Variants in SHB observed in about 807,000 individuals in gnomAD.
SHB encodes the protein SH2 domain containing adaptor protein B.
SHB carries 20 observed loss-of-function variants against 52.3 expected under a neutral mutation model. That is an observed-to-expected ratio of 0.38 (90% CI 0.27 to 0.56). SHB has a LOEUF of 0.56. SHB is among the 20% of genes least tolerant of loss of function. The pLI is 0.71. For synonymous variants in SHB, 397 were observed against 316.5 expected (o/e 1.25, Z -2.70); for missense variants, 825 against 723.3 (o/e 1.14, Z -1.61).
intron 3 of SHB, among the ~76,000 whole-genome samples, chr9:37,971,850 C>A (rs1820593582): frequency 6.6e-6 from 1 of 152,204 alleles, no homozygotes. Flanking sequence ...CTAAAACCAC[C>A]TTTGGGCAGA....
intron 5 of SHB, among the ~76,000 whole-genome samples, chr9:37,926,028 A>G (rs763113211): frequency 3.3e-5 from 5 of 152,078 alleles, no homozygotes; most frequent in African/African-American, 7.2e-5. Flanking sequence ...CTTGCTTCCA[A>G]CAGGGTGGAG....
rs535149309 is a variant in SHB at position 38,037,571 on chromosome 9, C to T, written c.718-21440G>A. On this transcript the variant is annotated intron_variant, in intron 1 of 5. Coordinates refer to ENST00000377707, the MANE Select transcript of SHB (RefSeq NM_003028.3). ...GAGAAGTTTGCTCAACCTCTCTGGG[C>T]CTCAGTTTCTTCACTATAAAGTGGG... is the stretch of plus-strand genomic sequence containing the variant. Among the ~76,000 whole-genome samples, 5 of 152,310 alleles carry T rather than the reference C, an allele frequency of 3.3e-5. No individual in the cohort carries two copies. In the East Asian group the frequency reaches 9.6e-4, roughly 29 times the overall value.
chr9:38,014,885 T>C (rs1821191752), intron 2 of SHB, among the ~76,000 whole-genome samples: 2 of 152,206 alleles, frequency 1.3e-5, no homozygotes, highest in Admixed American at 1.3e-4. Flanking sequence ...ACACGCTCAG[T>C]GCTCAGTAAA....
At chr9:37,984,418 C>T (rs920356174) in intron 2 of SHB, among the ~76,000 whole-genome samples, 12 of 152,194 alleles carry the variant, frequency 7.9e-5, no homozygotes, top group Non-Finnish European at 1.3e-4. Flanking sequence ...TTGTACGTAA[C>T]GTGAAACACA....
chr9:38,022,976 A>AC (rs1821299875), intron 1 of SHB, among the ~76,000 whole-genome samples: 1 of 152,148 alleles, frequency 6.6e-6, no homozygotes, highest in South Asian at 2.1e-4. Flanking sequence ...TTTCTAGTGC[A>AC]CATACAGTGC....
rs755295306 is a variant in SHB, at chr9:37,948,738, T to C, written c.1243A>G (p.Ile415Val). Residue 415 changes from isoleucine (I) to valine (V), a missense_variant, in exon 5 of 6, where the codon ATC (isoleucine) becomes GTC (valine). Physicochemically the swap from Ile to Val is conservative, Grantham distance 29. Transcript: ENST00000377707. ...LEKQIWYHGA[I>V]SRGDAENLLR... ...AGGTTCTCGGCGTCTCCTCTGCTGA[T>C]GGCTCCGTGATACCATCTGTGGAGA... 30 of 1,613,678 alleles carry C rather than the reference T, an allele frequency of 1.9e-5. No homozygotes were observed. In the Admixed American group the frequency reaches 3.7e-4, roughly 20 times the overall value.
intron 1 of SHB, among the ~76,000 whole-genome samples, chr9:38,058,933 C>T (rs780993281): frequency 1.9e-4 from 29 of 152,224 alleles, no homozygotes; most frequent in Non-Finnish European, 3.5e-4. Flanking sequence ...TTGCCATCGC[C>T]TCTTTATTCC....
chr9:38,008,439 C>T (rs1821097345), intron 2 of SHB, among the ~76,000 whole-genome samples: 1 of 152,224 alleles, frequency 6.6e-6, no homozygotes, highest in Non-Finnish European at 1.5e-5. Flanking sequence ...TGATCTCCTT[C>T]CTGTCCGGTA....
chr9:38,066,329 T>C (rs1821960044), intron 1 of SHB, among the ~76,000 whole-genome samples: 1 of 152,166 alleles, frequency 6.6e-6, no homozygotes, highest in Non-Finnish European at 1.5e-5. Flanking sequence ...TAAAGTCCAG[T>C]GCAGTTAGCC....
chr9:38,028,812 G>A (rs1821377489), intron 1 of SHB, among the ~76,000 whole-genome samples: 1 of 152,212 alleles, frequency 6.6e-6, no homozygotes, highest in Non-Finnish European at 1.5e-5. Context: ...AAAGAAATGT[G>A]TTTATATCCA....
chr9:37,986,204 A>C (rs1267185282), intron 2 of SHB, among the ~76,000 whole-genome samples: 1 of 152,202 alleles, frequency 6.6e-6, no homozygotes, highest in African/African-American at 2.4e-5. Flanking sequence ...ACAAACAGCG[A>C]GGAGTGGGCC....
intron 1 of SHB, among the ~76,000 whole-genome samples, chr9:38,067,683 G>A (rs1034994154): frequency 1.3e-5 from 2 of 152,210 alleles, no homozygotes; most frequent in African/African-American, 4.8e-5. Context: ...GGGCAAGGCT[G>A]GGCCGGGCGC....
intron 2 of SHB, chr9:38,015,459 T>C: frequency 1.4e-6 from 1 of 703,108 alleles, no homozygotes; most frequent in Non-Finnish European, 2.6e-6. Flanking sequence ...ACTGGGGGAA[T>C]GTCTCCATGC....
chr9:38,054,846 C>A (rs1821795133), intron 1 of SHB, among the ~76,000 whole-genome samples: 1 of 152,190 alleles, frequency 6.6e-6, no homozygotes, highest in South Asian at 2.1e-4. Context: ...AAAAAAAAGT[C>A]AACCCCAGCT....
intron 5 of SHB, among the ~76,000 whole-genome samples, chr9:37,924,003 A>T (rs1328174182): frequency 6.6e-6 from 1 of 152,212 alleles, no homozygotes; most frequent in Non-Finnish European, 1.5e-5. Context: ...TCGTTCAGGG[A>T]GGGCATTGCC....
intron 1 of SHB, among the ~76,000 whole-genome samples, chr9:38,025,222 G>A (rs945179959): frequency 5.9e-5 from 9 of 152,158 alleles, no homozygotes; most frequent in Non-Finnish European, 1.3e-4. Context: ...TGTGGGAGGT[G>A]GGCTCCGGGC....
chr9:37,990,609 G>A (rs1375188592), intron 2 of SHB, among the ~76,000 whole-genome samples: 1 of 152,208 alleles, frequency 6.6e-6, no homozygotes, highest in African/African-American at 2.4e-5. Context: ...AACTGGAAAT[G>A]CCCTTTTCAG....
intron 5 of SHB, among the ~76,000 whole-genome samples, chr9:37,928,124 C>T (rs990121515): frequency 9.2e-5 from 14 of 152,160 alleles, no homozygotes; most frequent in Admixed American, 4.6e-4. Flanking sequence ...TGGGCCTCAG[C>T]GTCTCCCTCT....
At chr9:37,991,588 T>C (rs1214308282) in intron 2 of SHB, among the ~76,000 whole-genome samples, 1 of 152,160 alleles carries the variant, frequency 6.6e-6, no homozygotes, top group African/African-American at 2.4e-5. Context: ...AGAACCATAG[T>C]TATGGTCTCA....
Sources: gnomAD v4.1 joint callset for allele counts (sites outside exome capture counted in the v4.1 genomes callset) on GRCh38, gnomAD v4.1.1 for gene constraint, MANE v1.5 for transcripts, NCBI Gene and HGNC (gene_info 2026-07-23, HGNC 2026-07-21) for gene names.